TANC2: variants seen among roughly 807,000 people sequenced by gnomAD.
TANC2 encodes tetratricopeptide repeat, ankyrin repeat and coiled-coil containing 2.
TANC2 carries 26 observed loss-of-function variants against 210.5 expected under a neutral mutation model. That is an observed-to-expected ratio of 0.12 (90% CI 0.09 to 0.17). The LOEUF is 0.17. TANC2 is among the 10% of genes least tolerant of loss of function. The pLI is 1.00. For missense variants in TANC2, 2,129 were observed against 2,608.9 expected (o/e 0.82, Z 4.01); for synonymous variants, 931 against 967.1 (o/e 0.96, Z 0.69).
At chr17:63,041,954 T>C (rs2144269988) in intron 2 of TANC2, among the ~76,000 whole-genome samples, 2 of 152,332 alleles carry the variant, frequency 1.3e-5, no homozygotes, top group South Asian at 4.1e-4. Flanking sequence ...AGCAGGATGC[T>C]GCAAGTCAGA....
intron 14 of TANC2, among the ~76,000 whole-genome samples, chr17:63,367,138 A>G (rs1567957822): frequency 1.3e-5 from 2 of 152,254 alleles, no homozygotes; most frequent in Admixed American, 6.5e-5. Context: ...AAGTCCTTGC[A>G]TTGCTCTTCC....
At chr17:63,061,095 G>A (rs942891234) in intron 2 of TANC2, among the ~76,000 whole-genome samples, 4 of 152,000 alleles carry the variant, frequency 2.6e-5, no homozygotes, top group Admixed American at 2.0e-4. Flanking sequence ...GGCCAGGCAC[G>A]GTGGCTCATG....
At chr17:63,163,519 A>G (rs1476412459) in intron 5 of TANC2, among the ~76,000 whole-genome samples, 6 of 152,216 alleles carry the variant, frequency 3.9e-5, no homozygotes, top group Non-Finnish European at 5.9e-5. Flanking sequence ...TTGATGATGT[A>G]GGATTTTAAG....
chr17:63,257,486 T>G (rs1211526550), intron 8 of TANC2, among the ~76,000 whole-genome samples: 1 of 152,076 alleles, frequency 6.6e-6, no homozygotes. Context: ...GCCTCTCTAG[T>G]AACTGAGATA....
At chr17:63,128,284 A>G (rs1288362662) in intron 4 of TANC2, among the ~76,000 whole-genome samples, 2 of 152,168 alleles carry the variant, frequency 1.3e-5, no homozygotes, top group Non-Finnish European at 2.9e-5. Context: ...TTGAGGTGAT[A>G]GATACCCCAT....
intron 27 of TANC2, among the ~76,000 whole-genome samples, chr17:63,419,477 G>A (rs543201340): frequency 1.4e-4 from 21 of 152,338 alleles, no homozygotes; most frequent in African/African-American, 4.8e-4. Context: ...AGCAAATGGA[G>A]ACACAGCAAT....
At chr17:63,055,259 C>G (rs1271119015) in intron 2 of TANC2, among the ~76,000 whole-genome samples, 1 of 152,116 alleles carries the variant, frequency 6.6e-6, no homozygotes, top group East Asian at 1.9e-4. Context: ...TTAAAGCTGT[C>G]TACTCTGTGA....
chr17:63,310,516 A>G lies in TANC2; in HGVS notation c.1160-3872A>G, dbSNP rs149785595. On this transcript the variant is annotated intron_variant, in intron 9 of 27. Transcript: ENST00000689528. ...TTAAAGGCAAAGAACTGAGAAAATT[A>G]TTTGCAAAAAGTAACTATGAAAGGC... 1.4e-3 allele frequency among the ~76,000 whole-genome samples: 211 copies of G among 152,304 alleles called. 3 individuals carry two copies. The highest frequency in any genetic ancestry group is 2.4e-3 in the Non-Finnish European group (161 of 68,022).
intron 5 of TANC2, among the ~76,000 whole-genome samples, chr17:63,189,820 A>C (rs1475359863): frequency 1.3e-5 from 2 of 152,222 alleles, no homozygotes; most frequent in Admixed American, 1.3e-4. Context: ...TATCTAAGAA[A>C]TCATTGCCTA....
At chr17:63,263,476 T>G (rs2043430048) in intron 8 of TANC2, among the ~76,000 whole-genome samples, 1 of 152,236 alleles carries the variant, frequency 6.6e-6, no homozygotes, top group African/African-American at 2.4e-5. Context: ...AAATGTCTTT[T>G]GAAGCTTAAA....
chr17:63,385,075 T>A (rs2047735406), intron 15 of TANC2, among the ~76,000 whole-genome samples: 1 of 152,146 alleles, frequency 6.6e-6, no homozygotes, highest in Non-Finnish European at 1.5e-5. Flanking sequence ...AAATTCTACC[T>A]CCTAGGGCTG....
At chr17:63,243,265 G>T (rs1373401286) in intron 8 of TANC2, among the ~76,000 whole-genome samples, 1 of 152,126 alleles carries the variant, frequency 6.6e-6, no homozygotes, top group Non-Finnish European at 1.5e-5. Flanking sequence ...TAATAAGTTG[G>T]TACTCCATTT....
intron 2 of TANC2, among the ~76,000 whole-genome samples, chr17:63,022,097 T>C (rs2034372893): frequency 6.6e-6 from 1 of 151,824 alleles, no homozygotes; most frequent in African/African-American, 2.4e-5. Flanking sequence ...TCCCAGCACT[T>C]TGGGAGTCTG....
chr17:63,005,516 T>C (rs1390893496), intron 1 of TANC2, among the ~76,000 whole-genome samples: 3 of 152,030 alleles, frequency 2.0e-5, no homozygotes, highest in South Asian at 2.1e-4. Context: ...GAGACTGTTA[T>C]CTCTTTAGAA....
intron 4 of TANC2, among the ~76,000 whole-genome samples, chr17:63,113,820 C>T (rs2038146966): frequency 1.3e-5 from 2 of 152,110 alleles, no homozygotes; most frequent in South Asian, 2.1e-4. Context: ...GAAATATGGT[C>T]ATTTTAGAAT....
chr17:63,249,794 G>A (rs528682496), intron 8 of TANC2, among the ~76,000 whole-genome samples: 53 of 152,128 alleles, frequency 3.5e-4, no homozygotes, highest in Non-Finnish European at 6.9e-4. Context: ...TTCTTGCCCA[G>A]GCAGGAGCAA....
intron 21 of TANC2, among the ~76,000 whole-genome samples, 165 bp from the exon 22 acceptor site, chr17:63,411,346 C>T (rs1400877207): frequency 1.3e-5 from 2 of 152,174 alleles, no homozygotes; most frequent in Non-Finnish European, 2.9e-5. Context: ...ATAGGATGAA[C>T]TTTTAACAGT....
At chr17:63,314,150 A>G (rs556929946) in intron 9 of TANC2, among the ~76,000 whole-genome samples, 9 of 152,346 alleles carry the variant, frequency 5.9e-5, no homozygotes, top group Admixed American at 5.9e-4. Context: ...CTGATCAAGT[A>G]AATCATTAAT....
chr17:63,185,109 T>G (rs2040934425), intron 5 of TANC2, among the ~76,000 whole-genome samples: 1 of 151,926 alleles, frequency 6.6e-6, no homozygotes, highest in Non-Finnish European at 1.5e-5. Flanking sequence ...ATCCTCTTAC[T>G]TTACCCACCT....
Sources: gnomAD v4.1 joint callset for allele counts (sites outside exome capture counted in the v4.1 genomes callset) on GRCh38, gnomAD v4.1.1 for gene constraint, MANE v1.5 for transcripts, NCBI Gene and HGNC (gene_info 2026-07-23, HGNC 2026-07-21) for gene names.